Variants in USP5 observed in about 807,000 individuals in gnomAD.
USP5 encodes ubiquitin specific peptidase 5, also known as ubiquitin carboxyl-terminal hydrolase 5.
Under a neutral mutation model 102.5 loss-of-function variants are expected in USP5, and 24 were observed. That is an observed-to-expected ratio of 0.23 (90% CI 0.17 to 0.33). The LOEUF (loss-of-function observed/expected upper bound fraction) is 0.33, where lower values mean the gene tolerates loss of function less well. Ranked by LOEUF, USP5 falls within the 10% of genes least tolerant of loss-of-function variation. The pLI is 1.00. For synonymous variants in USP5, 460 were observed against 434.8 expected (o/e 1.06, Z -0.72); for missense variants, 753 against 1,122.1 (o/e 0.67, Z 4.70).
chr12:6,856,584 G>T lies in USP5; in HGVS notation c.585-123G>T. The T allele has an allele frequency of 1.3e-6, 2 of 1,537,162 alleles. No homozygotes were observed. The highest frequency in any genetic ancestry group is 2.5e-5 in the South Asian group (2 of 81,342). On this transcript the variant is annotated intron_variant, in intron 5 of 19. Transcript: ENST00000229268. The surrounding 1 kb of genome is among the most constrained non-coding windows in gnomAD (Gnocchi z 5.6). ...AAGCTTGGAAATGAACACGACATGGGGATGGCCAGAGGAGAAGAGAGAGAG... is the reference window on the plus strand; with the variant it reads ...AAGCTTGGAAATGAACACGACATGGTGATGGCCAGAGGAGAAGAGAGAGAG...
chr12:6,856,207 G>T lies in USP5; in HGVS notation c.438+57G>T. 6.2e-7 allele frequency: 1 copy of T among 1,610,842 alleles called. No individual in the cohort carries two copies. The highest frequency in any genetic ancestry group is 8.5e-7 in the Non-Finnish European group (1 of 1,177,808). On this transcript the variant is annotated intron_variant, in intron 4 of 19. Coordinates refer to ENST00000229268, the MANE Select transcript of USP5 (RefSeq NM_001098536.2). The surrounding 1 kb of genome is among the most constrained non-coding windows in gnomAD (Gnocchi z 5.6). ...TAGAGCAAGATGGGCCAGGGTAGTGGTGTCTTAGGCAAGCACTGACAAAGC... is the reference window on the plus strand; with the variant it reads ...TAGAGCAAGATGGGCCAGGGTAGTGTTGTCTTAGGCAAGCACTGACAAAGC...
intron 1 of USP5, among the ~76,000 whole-genome samples, chr12:6,853,371 G>T (rs782055134): frequency 6.6e-6 from 1 of 152,360 alleles, no homozygotes; most frequent in South Asian, 2.1e-4. Context: ...TGGTTTGCTT[G>T]GTTTGCTAGG....
rs782627007 is a variant in USP5 at position 6,856,383 on chromosome 12, G to A, written c.517G>A (p.Val173Ile). ...GGAGGTGCAGGCATGGGATGGGGAA[G>A]TACGGCAGGTGTCTAAGCATGCCTT... ...KQEVQAWDGE[V>I]RQVSKHAFSL... The change falls in exon 5 of 20, where the codon GTA (valine) becomes ATA (isoleucine). Residue 173 changes from valine to isoleucine, a missense_variant. Val to Ile is a conservative substitution (Grantham distance 29). Transcript: ENST00000229268. The surrounding 1 kb of genome is among the most constrained non-coding windows in gnomAD (Gnocchi z 5.6). The A allele has an allele frequency of 4.3e-6, 7 of 1,613,928 alleles. No individual in the cohort carries two copies. Among genetic ancestry groups the A allele is most frequent in the Non-Finnish European group, 5.9e-6 (7 of 1,180,010 alleles).
intron 14 of USP5, 97 bp downstream of exon 14, chr12:6,862,655 AAG>A: frequency 1.8e-6 from 2 of 1,139,980 alleles, no homozygotes; most frequent in South Asian, 1.4e-5. Flanking sequence ...TTTCCTCTGA[AAG>A]AGGAAAAAAA....
Position 6,863,266 on chromosome 12 carries a change from C to G in USP5, c.1843C>G (p.Pro615Ala). The change falls in exon 15 of 20, where the codon CCA becomes GCA. Residue 615 changes from proline to alanine, a missense_variant. By Grantham distance (27) the Pro-to-Ala change is conservative. This residue lies in a region of USP5 where 527 missense variants were observed against 816.5 expected (regional missense o/e 0.65). Coordinates refer to ENST00000229268, the MANE Select transcript of USP5 (RefSeq NM_001098536.2). This position sits in a 1 kb window ranked among gnomAD's most constrained non-coding sequence, Gnocchi z 4.7. The stretch of plus-strand genomic sequence containing the variant: ...GCTGCAGCCCGGAGAGGAGGAGCTG[C>G]CAGACATTGCCCCACCCCTGGTCAC... Reference protein sequence around the residue: ...TGLQPGEEELPDIAPPLVTPD... With the variant: ...TGLQPGEEELADIAPPLVTPD... 1.2e-6 allele frequency: 2 copies of G among 1,614,180 alleles called. No homozygotes were observed. The highest frequency in any genetic ancestry group is 1.7e-6 in the Non-Finnish European group (2 of 1,180,038).
rs782080206 is a variant in USP5, at chr12:6,855,492, G to A, written c.203G>A (p.Arg68Gln). 21 of 1,614,188 alleles carry A rather than the reference G, an allele frequency of 1.3e-5. No individual in the cohort carries two copies. The highest frequency in any genetic ancestry group is 2.2e-5 in the East Asian group (1 of 44,894). Residue 68 changes from arginine (R) to glutamine (Q), a missense_variant, in exon 2 of 20, where the codon CGA becomes CAA. Transcript: ENST00000229268. The surrounding 1 kb of genome is among the most constrained non-coding windows in gnomAD (Gnocchi z 4.6). ...AGACATTTCAATAAGACCGGCCAGCGAGTCTACTTGCACCTCCGGCGGACC... is the reference window on the plus strand; with the variant it reads ...AGACATTTCAATAAGACCGGCCAGCAAGTCTACTTGCACCTCCGGCGGACC... Reference protein sequence around the residue: ...VERHFNKTGQRVYLHLRRTRR... With the variant: ...VERHFNKTGQQVYLHLRRTRR...
At chr12:6,865,420 T>A (rs1555130628) in intron 19 of USP5, among the ~76,000 whole-genome samples, 172 bp downstream of exon 19, 1 of 152,066 alleles carries the variant, frequency 6.6e-6, no homozygotes, top group Non-Finnish European at 1.5e-5. Flanking sequence ...AAGGGTTGGA[T>A]CTGGCCACCA....
chr12:6,864,738 G>A lies in USP5; in HGVS notation c.2261G>A (p.Arg754Gln), dbSNP rs954823809. ...ALRATNNSLERAVDWIFSHID... is the reference protein window; with the variant it reads ...ALRATNNSLEQAVDWIFSHID... Reference sequence around the variant, plus strand: ...CTCTCCAAGAACAATAGTTTAGAACGGGCTGTGGACTGGATCTTCAGTCAC... The same window carrying A: ...CTCTCCAAGAACAATAGTTTAGAACAGGCTGTGGACTGGATCTTCAGTCAC... Residue 754 changes from arginine to glutamine, a missense_variant, in exon 18 of 20, where the codon CGG becomes CAG. Arg to Gln is a conservative substitution (Grantham distance 43). Transcript: ENST00000229268. The surrounding 1 kb of genome is among the most constrained non-coding windows in gnomAD (Gnocchi z 4.8). 7 of 1,610,924 alleles carry A rather than the reference G, an allele frequency of 4.3e-6. No homozygotes were observed. Among genetic ancestry groups the A allele is most frequent in the African/African-American group, 4.0e-5 (3 of 74,934 alleles).
chr12:6,864,362 T>TACCCAGCA lies in USP5; in HGVS notation c.2244+167_2244+168insACCCAGCA, dbSNP rs1349204775. Among the ~76,000 whole-genome samples the TACCCAGCA allele has an allele frequency of 6.6e-6, 1 of 152,190 alleles. No individual in the cohort carries two copies. Among genetic ancestry groups the TACCCAGCA allele is most frequent in the African/African-American group, 2.4e-5 (1 of 41,448 alleles). ...AGGAGCTGAAGCCTGCGTTCACTGCTGGGTTTTTTGCCCCAGAACTTGTTA... is the reference window on the plus strand; with the variant it reads ...AGGAGCTGAAGCCTGCGTTCACTGCTACCCAGCAGGGTTTTTTGCCCCAGAACTTGTTA... On this transcript the variant is annotated intron_variant, in intron 17 of 19. Transcript: ENST00000229268. The surrounding 1 kb of genome is among the most constrained non-coding windows in gnomAD (Gnocchi z 4.8).
rs1555130206 is a variant in USP5 at position 6,864,131 on chromosome 12, G to A, written c.2180G>A (p.Cys727Tyr). The A allele has an allele frequency of 6.2e-7, 1 of 1,614,064 alleles. No homozygotes were observed. Among genetic ancestry groups the A allele is most frequent in the Non-Finnish European group, 8.5e-7 (1 of 1,179,960 alleles). The change falls in exon 17 of 20, where the codon TGT becomes TAT. Residue 727 changes from cysteine (C) to tyrosine (Y), a missense_variant. By Grantham distance (194) the Cys-to-Tyr change is radical. This residue lies in a region of USP5 where 193 missense variants were observed against 230.2 expected (regional missense o/e 0.84). Transcript: ENST00000229268. The surrounding 1 kb of genome is among the most constrained non-coding windows in gnomAD (Gnocchi z 4.8). ...SAAADPPPED[C>Y]VTTIVSMGFS... is the part of the protein sequence containing the mutation. ...GCAGCCGACCCCCCTCCTGAGGACT[G>A]TGTGACCACCATTGTCTCCATGGGC...
Position 6,866,201 on chromosome 12 carries a change from G to C in USP5, c.*124G>C, listed in dbSNP as rs1038865247. On this transcript the variant is annotated 3_prime_UTR_variant, in exon 20 of 20. Coordinates refer to ENST00000229268, the MANE Select transcript of USP5 (RefSeq NM_001098536.2). The surrounding 1 kb of genome is among the most constrained non-coding windows in gnomAD (Gnocchi z 4.7). ...TTTTTCCTTTTGTCCCCGGCAGCAG[G>C]GAAGAAGCTGGAGGCCGTGGGAGAA... The C allele has an allele frequency of 7.0e-6, 6 of 859,852 alleles. No homozygotes were observed. Among genetic ancestry groups the C allele is most frequent in the African/African-American group, 3.4e-5 (2 of 58,662 alleles). 53.3% of individuals were successfully genotyped at this position (859,852 alleles called of 1,614,324 possible). A position where few individuals can be genotyped will look rare whatever the true frequency, so the allele number is the denominator to read the frequency against.
At position 6,864,965 on chromosome 12, in the gene USP5, A is replaced by G; in HGVS notation, c.2398+90A>G. 6.6e-7 allele frequency: 1 copy of G among 1,519,008 alleles called. No individual in the cohort carries two copies. The highest frequency in any genetic ancestry group is 8.9e-7 in the Non-Finnish European group (1 of 1,128,976). The allele number at this position is 1,519,008 out of a possible 1,614,324, so 94.1% of individuals were successfully genotyped here. The stretch of plus-strand genomic sequence containing the variant: ...TCATTCAGGCAGCTCTGCCCTCCTC[A>G]GGAGTCAGGGGCTTCTTTCCACCTC... On this transcript the variant is annotated intron_variant, in intron 18 of 19. Transcript: ENST00000229268. The surrounding 1 kb of genome is among the most constrained non-coding windows in gnomAD (Gnocchi z 4.8).
Position 6,861,573 on chromosome 12 carries a change from T to C in USP5, c.1629T>C (p.Asp543=), listed in dbSNP as rs1207010514. 1.9e-6 allele frequency: 3 copies of C among 1,596,014 alleles called. No individual in the cohort carries two copies. The highest frequency in any genetic ancestry group is 2.7e-5 in the African/African-American group (2 of 74,586). The change falls in exon 13 of 20, where the codon GAT becomes GAC. Residue 543 remains aspartate, a synonymous_variant. Coordinates refer to ENST00000229268, the MANE Select transcript of USP5 (RefSeq NM_001098536.2). The surrounding 1 kb of genome is among the most constrained non-coding windows in gnomAD (Gnocchi z 4.9). ...CCTACGGGGCCCCTGAGCAGGTCGATGACTTCTGGAGCACGGCCCTGCAGG... is the reference window on the plus strand; with the variant it reads ...CCTACGGGGCCCCTGAGCAGGTCGACGACTTCTGGAGCACGGCCCTGCAGG... ...LEAYGAPEQV[D]DFWSTALQAK...
rs1944352651 is a variant in USP5, at chr12:6,863,986, G to A, written c.2098+13G>A. On this transcript the variant is annotated intron_variant, in intron 16 of 19. Transcript: ENST00000229268. This position sits in a 1 kb window ranked among gnomAD's most constrained non-coding sequence, Gnocchi z 4.7. ...ATGGATGATCCAGGTAGGCTGGGGT[G>A]GGGAGCAGGGTGGGGCAGGGCCTCC... 5 of 1,585,258 alleles carry A rather than the reference G, an allele frequency of 3.2e-6. No individual in the cohort carries two copies. The highest frequency in any genetic ancestry group is 4.3e-6 in the Non-Finnish European group (5 of 1,160,866).
rs978655751 is a variant in USP5 at position 6,852,252 on chromosome 12, G to A, written c.73G>A (p.Val25Ile). 2 of 1,612,954 alleles carry A rather than the reference G, an allele frequency of 1.2e-6. No homozygotes were observed. The highest frequency in any genetic ancestry group is 1.7e-6 in the Non-Finnish European group (2 of 1,179,630). ...TIRVPKAGDR[V>I]HKDECAFSFD... ...CCGGGTCCCTAAGGCTGGAGACCGG[G>A]TCCACAAAGACGAGTGCGCCTTCTC... The change falls in exon 1 of 20, where the codon GTC becomes ATC. Residue 25 changes from valine (V) to isoleucine (I), a missense_variant. Physicochemically the swap from Val to Ile is conservative, Grantham distance 29 (BLOSUM62 3). This residue lies in a region of USP5 where 527 missense variants were observed against 816.5 expected (regional missense o/e 0.65). Coordinates refer to ENST00000229268, the MANE Select transcript of USP5 (RefSeq NM_001098536.2).
rs1944119894 is a variant in USP5 at position 6,856,592 on chromosome 12, A to G, written c.585-115A>G. The stretch of plus-strand genomic sequence containing the variant: ...AAATGAACACGACATGGGGATGGCC[A>G]GAGGAGAAGAGAGAGAGACCTTGGA... On this transcript the variant is annotated intron_variant, in intron 5 of 19. Coordinates refer to ENST00000229268, the MANE Select transcript of USP5 (RefSeq NM_001098536.2). The surrounding 1 kb of genome is among the most constrained non-coding windows in gnomAD (Gnocchi z 5.6). 6.5e-7 allele frequency: 1 copy of G among 1,530,772 alleles called. No individual in the cohort carries two copies. Among genetic ancestry groups the G allele is most frequent in the African/African-American group, 1.5e-5 (1 of 64,610 alleles). The allele number at this position is 1,530,772 out of a possible 1,614,324, so 94.8% of individuals were successfully genotyped here. A position where few individuals can be genotyped will look rare whatever the true frequency, so the allele number is the denominator to read the frequency against.
chr12:6,863,477 C>G lies in USP5; in HGVS notation c.1954+100C>G, dbSNP rs1565533607. 1 of 1,403,966 alleles carries G rather than the reference C, an allele frequency of 7.1e-7. No individual in the cohort carries two copies. Among genetic ancestry groups the G allele is most frequent in the Admixed American group, 2.1e-5 (1 of 47,268 alleles). The allele number at this position is 1,403,966 out of a possible 1,614,324, so 87.0% of individuals were successfully genotyped here. A position where few individuals can be genotyped will look rare whatever the true frequency, so the allele number is the denominator to read the frequency against. ...GTCCTTTGTGTTTCTCCTGTCCTCCCTTTCAAATTTCCTCTGCCCTCTTTG... is the reference window on the plus strand; with the variant it reads ...GTCCTTTGTGTTTCTCCTGTCCTCCGTTTCAAATTTCCTCTGCCCTCTTTG... On this transcript the variant is annotated intron_variant, in intron 15 of 19. Transcript: ENST00000229268. This position sits in a 1 kb window ranked among gnomAD's most constrained non-coding sequence, Gnocchi z 4.7.
In USP5 at chr12:6,863,926, G is replaced by C; in HGVS notation, c.2051G>C (p.Gly684Ala). 6.2e-7 allele frequency: 1 copy of C among 1,610,048 alleles called. No homozygotes were observed. The highest frequency in any genetic ancestry group is 8.5e-7 in the Non-Finnish European group (1 of 1,177,272). ...RKAVYYTGNS[G>A]AEAAMNWVMS... Reference sequence around the variant, plus strand: ...GCTGTCTACTACACGGGCAACAGCGGGGCTGAGGCCGCCATGAACTGGGTC... The same window carrying C: ...GCTGTCTACTACACGGGCAACAGCGCGGCTGAGGCCGCCATGAACTGGGTC... The change falls in exon 16 of 20, where the codon GGG becomes GCG. Residue 684 changes from glycine (G) to alanine (A), a missense_variant. By Grantham distance (60) the Gly-to-Ala change is moderately conservative. This residue lies in a region of USP5 where 193 missense variants were observed against 230.2 expected (regional missense o/e 0.84). Coordinates refer to ENST00000229268, the MANE Select transcript of USP5 (RefSeq NM_001098536.2). The surrounding 1 kb of genome is among the most constrained non-coding windows in gnomAD (Gnocchi z 4.7).
At position 6,861,372 on chromosome 12, in the gene USP5, C is replaced by T. The variant is rs553786308; in HGVS notation, c.1499-71C>T. The T allele has an allele frequency of 4.0e-6, 6 of 1,485,960 alleles. No homozygotes were observed. The African/African-American group carries it at 5.6e-5, about 14-fold the overall frequency. 92.0% of individuals were successfully genotyped at this position (1,485,960 alleles called of 1,614,324 possible). ...AGGAACTGAAATACGGACACAGAGC[C>T]AGTAGGGAGAGGCTAAGGAGGCAAA... On this transcript the variant is annotated intron_variant, in intron 12 of 19. Transcript: ENST00000229268. The surrounding 1 kb of genome is among the most constrained non-coding windows in gnomAD (Gnocchi z 4.9).
Sources: gnomAD v4.1 joint callset for allele counts (sites outside exome capture counted in the v4.1 genomes callset) on GRCh38, gnomAD v4.1.1 for gene constraint, gnomAD v4.1.1 regional missense constraint, Gnocchi (gnomAD v3.1) non-coding constraint, MANE v1.5 for transcripts, NCBI Gene and HGNC (gene_info 2026-07-23, HGNC 2026-07-21) for gene names.